The following PCDHA5 variants were observed in gnomAD, a reference collection of about 807,000 sequenced individuals.
PCDHA5 encodes the protein protocadherin alpha 5.
A neutral mutation model predicts 61.6 loss-of-function variants in PCDHA5; 43 were observed. The observed-to-expected ratio is 0.70, with a 90% CI of 0.55 to 0.90. PCDHA5 has a LOEUF of 0.90. Among genes scored for constraint, PCDHA5 ranks in the 40% least tolerant of loss-of-function variants. The pLI is 0.00. For missense variants in PCDHA5, 1,298 were observed against 1,222.7 expected, an observed-to-expected ratio of 1.06 and a Z score of -0.92; for synonymous variants, 627 against 543.9, an observed-to-expected ratio of 1.15 and a Z score of -2.13.
intron 1 of PCDHA5, among the ~76,000 whole-genome samples, chr5:140,917,793 G>A (rs1405580492): frequency 6.6e-6 from 1 of 152,082 alleles, no homozygotes; most frequent in African/African-American, 2.4e-5. Flanking sequence ...TTTGGTTACT[G>A]TAGCCTTGCA....
rs375705333 is a variant in PCDHA5 at position 140,927,955 on chromosome 5, C to T, written c.2353-50994C>T. On this transcript the variant is annotated intron_variant, in intron 1 of 3. Coordinates refer to ENST00000529859, the MANE Select transcript of PCDHA5 (RefSeq NM_018908.3). ...GAACCCAGTACCTGAGGACGCTGCC[C>T]CTGGCACAGTGATTGCTCTCTTTAG... 34 of 1,614,198 alleles carry T rather than the reference C, an allele frequency of 2.1e-5. 1 individual carries two copies. In the Middle Eastern group the frequency reaches 9.9e-4, roughly 47 times the overall value.
At chr5:140,842,599 C>T (rs1460884024) in intron 1 of PCDHA5, 3 of 1,595,874 alleles carry the variant, frequency 1.9e-6, no homozygotes, top group African/African-American at 1.3e-5. Flanking sequence ...TGGTGGTAAC[C>T]GCGCGGGACG....
intron 1 of PCDHA5, chr5:140,871,446 A>C (rs1554165605): frequency 6.2e-7 from 1 of 1,610,058 alleles, no homozygotes; most frequent in Non-Finnish European, 8.5e-7. Context: ...GTCTGAATAA[A>C]GAGGAGGAAG....
At chr5:140,992,862 G>A (rs2097531583) in intron 3 of PCDHA5, among the ~76,000 whole-genome samples, 2 of 152,084 alleles carry the variant, frequency 1.3e-5, no homozygotes, top group Non-Finnish European at 2.9e-5. Context: ...TTTCACTCTA[G>A]CTCCCTCCTT....
At chr5:140,955,241 A>T (rs1554221829) in intron 1 of PCDHA5, among the ~76,000 whole-genome samples, 1 of 152,114 alleles carries the variant, frequency 6.6e-6, no homozygotes, top group East Asian at 1.9e-4. Context: ...TTTGCTTAGG[A>T]TCGGCTTGGC....
intron 1 of PCDHA5, chr5:140,883,882 C>T (rs200536915): frequency 6.8e-6 from 11 of 1,613,068 alleles, no homozygotes; most frequent in Middle Eastern, 1.7e-4. Flanking sequence ...TGAGCGCGCG[C>T]GACTCTGGCG....
rs1554128940 is a variant in PCDHA5, at chr5:140,822,885, G to C, written c.1110G>C (p.Leu370=). The change falls in exon 1 of 4, where the codon CTG becomes CTC. Residue 370 remains leucine (L), a synonymous_variant. Coordinates refer to ENST00000529859, the MANE Select transcript of PCDHA5 (RefSeq NM_018908.3). ...EDAPLSTVIA[L]ISVSDRDSGA... ...CTCCACTCAGCACGGTCATTGCTCT[G>C]ATCAGCGTGTCTGACCGTGACTCAG... 45 of 1,614,086 alleles carry C rather than the reference G, an allele frequency of 2.8e-5. No homozygotes were observed. Among genetic ancestry groups the C allele is most frequent in the Non-Finnish European group, 3.7e-5 (44 of 1,180,052 alleles).
chr5:140,882,745 T>C (rs782756975), intron 1 of PCDHA5: 1 of 1,614,124 alleles, frequency 6.2e-7, no homozygotes, highest in Non-Finnish European at 8.5e-7. Flanking sequence ...GCGCATCCGA[T>C]GCAGATATTG....
chr5:140,951,196 T>A (rs1438872650), intron 1 of PCDHA5, among the ~76,000 whole-genome samples: 1 of 152,190 alleles, frequency 6.6e-6, no homozygotes, highest in African/African-American at 2.4e-5. Context: ...AATTCCCACA[T>A]CTGTGTCATC....
rs2043467325 is a variant in PCDHA5 at position 140,855,436 on chromosome 5, G to C, written c.2352+31309G>C. Among the ~76,000 whole-genome samples the C allele has an allele frequency of 2.7e-5, 4 of 149,868 alleles. No homozygotes were observed. In the South Asian group the frequency reaches 8.4e-4, roughly 32 times the overall value. ...GATCTCTAAATTCTAGTGATGACTA[G>C]ATCTTCGGAGTTATAAACACCTCAC... On this transcript the variant is annotated intron_variant, in intron 1 of 3. Transcript: ENST00000529859.
intron 1 of PCDHA5, among the ~76,000 whole-genome samples, chr5:140,898,597 G>T (rs1452719602): frequency 6.6e-6 from 1 of 152,186 alleles, no homozygotes; most frequent in Non-Finnish European, 1.5e-5. Context: ...CTGTAGCCTT[G>T]TAGTATAGTT....
chr5:140,839,494 A>T (rs1776252585), intron 1 of PCDHA5, among the ~76,000 whole-genome samples: 1 of 151,886 alleles, frequency 6.6e-6, no homozygotes, highest in Non-Finnish European at 1.5e-5. Flanking sequence ...GGCTCAAGTG[A>T]TCTTCCTACC....
chr5:140,876,875 A>G, intron 1 of PCDHA5: 1 of 1,613,762 alleles, frequency 6.2e-7, no homozygotes, highest in Admixed American at 1.7e-5. Flanking sequence ...AAGGAGAACA[A>G]CCCGCCGGGC....
chr5:140,967,146 A>C, intron 1 of PCDHA5: 1 of 1,610,972 alleles, frequency 6.2e-7, no homozygotes, highest in Non-Finnish European at 8.5e-7. Flanking sequence ...CTGGCGCACA[A>C]CCCCGTGGCG....
At chr5:140,861,527 G>A (rs1554154863) in intron 1 of PCDHA5, 2 of 454,914 alleles carry the variant, frequency 4.4e-6, no homozygotes. Flanking sequence ...GGAGGATCTC[G>A]GAGTGCAGCA....
At chr5:140,842,267 T>C (rs2150333098) in intron 1 of PCDHA5, 11 of 1,610,674 alleles carry the variant, frequency 6.8e-6, no homozygotes, top group African/African-American at 5.3e-5. Flanking sequence ...AGAAAACTTA[T>C]ACAAAATCCT....
intron 1 of PCDHA5, chr5:140,968,800 A>G: frequency 6.2e-7 from 1 of 1,614,238 alleles, no homozygotes; most frequent in Non-Finnish European, 8.5e-7. Context: ...CCATTACAGT[A>G]GCTGTGGTGG....
chr5:140,918,072 T>C (rs1271495774), intron 1 of PCDHA5, among the ~76,000 whole-genome samples: 1 of 152,142 alleles, frequency 6.6e-6, no homozygotes, highest in Non-Finnish European at 1.5e-5. Flanking sequence ...TTTCTTTCAG[T>C]AGTGTTTTAT....
intron 1 of PCDHA5, chr5:140,967,549 T>C (rs781838911): frequency 6.2e-7 from 1 of 1,614,012 alleles, no homozygotes; most frequent in Non-Finnish European, 8.5e-7. Flanking sequence ...ACCAGTCCAC[T>C]TATCGCGTCC....
Sources: allele counts gnomAD v4.1 joint callset (sites outside exome capture counted in the v4.1 genomes callset), GRCh38; gene constraint gnomAD v4.1.1; transcripts MANE v1.5; gene names NCBI Gene and HGNC (gene_info 2026-07-23, HGNC 2026-07-21).